Variants in PPP1R14C observed in about 807,000 individuals in gnomAD.
PPP1R14C encodes protein phosphatase 1 regulatory inhibitor subunit 14C.
In PPP1R14C, 16 loss-of-function variants were observed where a neutral mutation model predicts 20.4. The ratio of observed to expected loss-of-function variants is 0.78; its 90% CI spans 0.53 to 1.19. The LOEUF (loss-of-function observed/expected upper bound fraction) is 1.19, where lower values mean the gene tolerates loss of function less well. Among genes scored for constraint, PPP1R14C ranks in the 50% most tolerant of loss-of-function variants. PPP1R14C has a pLI of 0.00. For missense variants in PPP1R14C, 211 were observed against 220.1 expected, an observed-to-expected ratio of 0.96 and a Z score of 0.26; for synonymous variants, 91 against 91.0, an observed-to-expected ratio of 1.00 and a Z score of 0.00.
At chr6:150,203,441 G>A (rs570649122) in intron 1 of PPP1R14C, among the ~76,000 whole-genome samples, 13 of 152,142 alleles carry the variant, frequency 8.5e-5, no homozygotes, top group Admixed American at 2.0e-4. Flanking sequence ...TCTGCTCACC[G>A]GCTGGAGGCC....
chr6:150,207,531 G>A (rs1777969035), intron 1 of PPP1R14C, among the ~76,000 whole-genome samples: 1 of 152,168 alleles, frequency 6.6e-6, no homozygotes, highest in African/African-American at 2.4e-5. Flanking sequence ...CTGGATTTGG[G>A]GACATGCCCT....
intron 3 of PPP1R14C, among the ~76,000 whole-genome samples, chr6:150,230,087 T>C (rs924100498): frequency 1.3e-5 from 2 of 152,188 alleles, no homozygotes; most frequent in South Asian, 2.1e-4. Context: ...GATTTTTAAA[T>C]GCCTAGCTGG....
chr6:150,146,875 A>T (rs1777185623), intron 1 of PPP1R14C, among the ~76,000 whole-genome samples: 1 of 152,140 alleles, frequency 6.6e-6, no homozygotes, highest in African/African-American at 2.4e-5. Flanking sequence ...TGGGGCCCGG[A>T]GATGTGGTCC....
At chr6:150,186,259 G>A (rs1394358649) in intron 1 of PPP1R14C, among the ~76,000 whole-genome samples, 1 of 152,138 alleles carries the variant, frequency 6.6e-6, no homozygotes, top group Non-Finnish European at 1.5e-5. Context: ...CTCTAGGTAT[G>A]GTCTTCAAAA....
At chr6:150,216,355 G>T (rs1310015174) in intron 2 of PPP1R14C, among the ~76,000 whole-genome samples, 4 of 152,146 alleles carry the variant, frequency 2.6e-5, no homozygotes, top group African/African-American at 7.2e-5. Flanking sequence ...AACTAGCCGG[G>T]TGTGGTGGTG....
At chr6:150,172,788 A>G (rs1777513841) in intron 1 of PPP1R14C, among the ~76,000 whole-genome samples, 1 of 152,112 alleles carries the variant, frequency 6.6e-6, no homozygotes, top group Non-Finnish European at 1.5e-5. Context: ...GAATGAGGAT[A>G]GTAACAGGAG....
chr6:150,157,743 C>A (rs1057327711), intron 1 of PPP1R14C, among the ~76,000 whole-genome samples: 1 of 152,180 alleles, frequency 6.6e-6, no homozygotes, highest in African/African-American at 2.4e-5. Flanking sequence ...AGGGAACTAA[C>A]CTGTCACCTC....
At chr6:150,181,710 G>A (rs1777623865) in intron 1 of PPP1R14C, among the ~76,000 whole-genome samples, 1 of 152,148 alleles carries the variant, frequency 6.6e-6, no homozygotes, top group African/African-American at 2.4e-5. Flanking sequence ...AATTGTACTT[G>A]CTGCAGAGCT....
At chr6:150,217,568 G>A (rs1464867257) in intron 3 of PPP1R14C, among the ~76,000 whole-genome samples, 1 of 152,134 alleles carries the variant, frequency 6.6e-6, no homozygotes, top group Non-Finnish European at 1.5e-5. Context: ...GGGAAAAAAT[G>A]TTATGCTTTG....
At chr6:150,148,506 G>A (rs1222791963) in intron 1 of PPP1R14C, among the ~76,000 whole-genome samples, 1 of 152,178 alleles carries the variant, frequency 6.6e-6, no homozygotes, top group Non-Finnish European at 1.5e-5. Context: ...CACTGTTAGC[G>A]GGTTAGTTCT....
intron 1 of PPP1R14C, among the ~76,000 whole-genome samples, chr6:150,206,241 T>G (rs1397855547): frequency 6.6e-6 from 1 of 152,240 alleles, no homozygotes; most frequent in Non-Finnish European, 1.5e-5. Flanking sequence ...CTCCCCTGCC[T>G]AATTTTTCTG....
At chr6:150,148,557 G>T (rs1268959679) in intron 1 of PPP1R14C, among the ~76,000 whole-genome samples, 2 of 152,182 alleles carry the variant, frequency 1.3e-5, no homozygotes, top group African/African-American at 4.8e-5. Context: ...GCAGATCCTG[G>T]ATTTCCACAG....
At chr6:150,186,119 C>T (rs1334133811) in intron 1 of PPP1R14C, among the ~76,000 whole-genome samples, 3 of 152,154 alleles carry the variant, frequency 2.0e-5, no homozygotes, top group Non-Finnish European at 4.4e-5. Flanking sequence ...AGTGGGGCCC[C>T]ACTGTTCTCA....
chr6:150,181,958 G>T (rs891962217), intron 1 of PPP1R14C, among the ~76,000 whole-genome samples: 3 of 152,178 alleles, frequency 2.0e-5, no homozygotes, highest in Admixed American at 6.5e-5. Flanking sequence ...GCAGCTGCTA[G>T]TTGAAGTGGG....
chr6:150,217,455 A>G (rs1371497564), intron 3 of PPP1R14C, among the ~76,000 whole-genome samples: 1 of 152,120 alleles, frequency 6.6e-6, no homozygotes, highest in East Asian at 1.9e-4. Flanking sequence ...TCGGCCTCCC[A>G]AAGTGCTGGG....
At chr6:150,208,590 C>T (rs1436659320) in intron 1 of PPP1R14C, among the ~76,000 whole-genome samples, 1 of 152,088 alleles carries the variant, frequency 6.6e-6, no homozygotes, top group Non-Finnish European at 1.5e-5. Context: ...CATAAAGTAC[C>T]AGCTAATGAA....
At chr6:150,158,215 A>G (rs185830350) in intron 1 of PPP1R14C, among the ~76,000 whole-genome samples, 360 of 152,302 alleles carry the variant, frequency 2.4e-3, no homozygotes, top group Middle Eastern at 6.8e-3. Context: ...AACATCTACT[A>G]TGCTTTTGCT....
chr6:150,242,768 T>C (rs1055455230), intron 3 of PPP1R14C, among the ~76,000 whole-genome samples: 5 of 152,194 alleles, frequency 3.3e-5, no homozygotes, highest in Admixed American at 3.3e-4. Flanking sequence ...ATTGTTTTTA[T>C]TGATAGACAA....
intron 2 of PPP1R14C, among the ~76,000 whole-genome samples, chr6:150,215,095 C>T (rs931137058): frequency 2.0e-5 from 3 of 152,242 alleles, no homozygotes; most frequent in Non-Finnish European, 4.4e-5. Context: ...GGAGAAACAG[C>T]TGATTCTGCT....
Sources: allele counts gnomAD v4.1 joint callset (sites outside exome capture counted in the v4.1 genomes callset), GRCh38; gene constraint gnomAD v4.1.1; transcripts MANE v1.5; gene names NCBI Gene and HGNC (gene_info 2026-07-23, HGNC 2026-07-21).